The following TMEM117 variants were observed in gnomAD, a reference collection of about 807,000 sequenced individuals.
TMEM117 encodes the protein transmembrane protein 117.
TMEM117 carries 27 observed loss-of-function variants against 52.4 expected under a neutral mutation model. The ratio of observed to expected loss-of-function variants is 0.51; its 90% CI spans 0.38 to 0.71. The LOEUF (loss-of-function observed/expected upper bound fraction) is 0.71. TMEM117 is among the 30% of genes least tolerant of loss of function. TMEM117 has a pLI of 0.00. For synonymous variants in TMEM117, 215 were observed against 206.3 expected (o/e 1.04, Z -0.36); for missense variants, 556 against 630.5 (o/e 0.88, Z 1.26).
chr12:44,375,046 G>A (rs1030005389), intron 6 of TMEM117, among the ~76,000 whole-genome samples: 11 of 151,790 alleles, frequency 7.2e-5, no homozygotes, highest in Admixed American at 2.6e-4. Context: ...TATTGCAAAC[G>A]TCTTCCAAGC....
intron 3 of TMEM117, among the ~76,000 whole-genome samples, chr12:43,990,405 C>T (rs557834193): frequency 3.3e-5 from 5 of 152,248 alleles, no homozygotes; most frequent in Admixed American, 3.3e-4. Flanking sequence ...TTTCACTATC[C>T]TTTGAAGTTT....
intron 5 of TMEM117, among the ~76,000 whole-genome samples, chr12:44,238,827 A>T (rs1219189193): frequency 6.6e-6 from 1 of 152,148 alleles, no homozygotes; most frequent in Admixed American, 6.6e-5. Context: ...TTGATTAAAA[A>T]TTTTTATCAA....
chr12:43,954,493 C>T (rs1442627567), intron 3 of TMEM117, among the ~76,000 whole-genome samples: 1 of 152,102 alleles, frequency 6.6e-6, no homozygotes, highest in Non-Finnish European at 1.5e-5. Context: ...GAAATACAGA[C>T]AACCCTCAGA....
chr12:43,826,411 T>C, the TMEM117 span, among the ~76,000 whole-genome samples: 1 of 152,200 alleles, frequency 6.6e-6, no homozygotes, highest in African/African-American at 2.4e-5. Context: ...TCCCCATATT[T>C]CCAATTGCCA....
chr12:44,058,693 G>A (rs1037985608), intron 3 of TMEM117, among the ~76,000 whole-genome samples: 2 of 152,286 alleles, frequency 1.3e-5, no homozygotes, highest in African/African-American at 2.4e-5. Flanking sequence ...ACAGTAAATT[G>A]TATTGTGAAT....
At chr12:44,352,599 T>A (rs1951580265) in intron 6 of TMEM117, among the ~76,000 whole-genome samples, 1 of 152,124 alleles carries the variant, frequency 6.6e-6, no homozygotes, top group South Asian at 2.1e-4. Flanking sequence ...TCCAGCTTCA[T>A]CCATGTCCCT....
intron 3 of TMEM117, among the ~76,000 whole-genome samples, chr12:44,000,089 A>C (rs1555192253): frequency 6.6e-6 from 1 of 152,174 alleles, no homozygotes; most frequent in Non-Finnish European, 1.5e-5. Context: ...ATCATTTGCT[A>C]TGCAGGATTT....
chr12:44,090,792 C>T (rs144283133), intron 3 of TMEM117, among the ~76,000 whole-genome samples: 2 of 146,280 alleles, frequency 1.4e-5, no homozygotes, highest in South Asian at 2.1e-4. Flanking sequence ...TACTTCCATT[C>T]TTGTGCCTTT....
chr12:44,191,722 A>C (rs575189885), intron 4 of TMEM117, among the ~76,000 whole-genome samples: 6 of 152,270 alleles, frequency 3.9e-5, no homozygotes, highest in Admixed American at 3.3e-4. Flanking sequence ...TGCAGGGCTC[A>C]CTGTTCCAAG....
intron 2 of TMEM117, among the ~76,000 whole-genome samples, chr12:43,917,143 A>G (rs1944617433): frequency 1.4e-5 from 1 of 72,004 alleles, no homozygotes; most frequent in Non-Finnish European, 4.7e-5. Flanking sequence ...CTATAATTCC[A>G]ACACTTTTGG....
chr12:44,387,935 GTTA>G (rs1262856704), intron 7 of TMEM117, 88 bp from the exon 8 acceptor site: 1 of 1,145,690 alleles, frequency 8.7e-7, no homozygotes, highest in East Asian at 2.4e-5. Context: ...AACAATTGAT[GTTA>G]TTATACCATT....
At chr12:44,126,733 G>C (rs1255259100) in intron 3 of TMEM117, among the ~76,000 whole-genome samples, 2 of 152,142 alleles carry the variant, frequency 1.3e-5, no homozygotes, top group Non-Finnish European at 1.5e-5. Context: ...ACATAAACAT[G>C]ACCTCTATTC....
intron 2 of TMEM117, among the ~76,000 whole-genome samples, chr12:43,912,928 T>A (rs1944539579): frequency 6.6e-6 from 1 of 152,184 alleles, no homozygotes; most frequent in South Asian, 2.1e-4. Context: ...TTGTCATTAT[T>A]GAGATTATTC....
At chr12:43,950,200 A>C (rs1379236654) in intron 3 of TMEM117, among the ~76,000 whole-genome samples, 1 of 152,246 alleles carries the variant, frequency 6.6e-6, no homozygotes, top group Non-Finnish European at 1.5e-5. Context: ...GAGTTTGTTT[A>C]GGCCAATCTT....
chr12:44,050,569 C>G (rs923523794), intron 3 of TMEM117, among the ~76,000 whole-genome samples: 4 of 152,164 alleles, frequency 2.6e-5, no homozygotes, highest in Non-Finnish European at 4.4e-5. Flanking sequence ...AATCTCTTTC[C>G]TCATCAGCTC....
chr12:44,065,228 A>G (rs992277739), intron 3 of TMEM117, among the ~76,000 whole-genome samples: 5 of 152,006 alleles, frequency 3.3e-5, no homozygotes, highest in African/African-American at 4.8e-5. Flanking sequence ...AAAATACAAA[A>G]ATTTGCCGGG....
chr12:44,311,832 T>C (rs1950988390), intron 6 of TMEM117, among the ~76,000 whole-genome samples: 1 of 13,566 alleles, frequency 7.4e-5, no homozygotes, highest in African/African-American at 1.4e-4. Flanking sequence ...TGTATATATG[T>C]ATATATGTAT....
At chr12:43,888,063 T>C (rs1287051874) in intron 2 of TMEM117, among the ~76,000 whole-genome samples, 1 of 152,194 alleles carries the variant, frequency 6.6e-6, no homozygotes, top group Admixed American at 6.5e-5. Context: ...TTCTATAGTA[T>C]AATACAAAAG....
At chr12:44,121,663 A>T (rs1193867452) in intron 3 of TMEM117, among the ~76,000 whole-genome samples, 1 of 152,110 alleles carries the variant, frequency 6.6e-6, no homozygotes, top group Non-Finnish European at 1.5e-5. Context: ...TTAGTAGGTA[A>T]GTTTTAGGGG....
Sources: gnomAD v4.1 joint callset for allele counts (sites outside exome capture counted in the v4.1 genomes callset) on GRCh38, gnomAD v4.1.1 for gene constraint, MANE v1.5 for transcripts, NCBI Gene and HGNC (gene_info 2026-07-23, HGNC 2026-07-21) for gene names.